Variants in CADM2 observed in about 807,000 individuals in gnomAD.
CADM2 encodes immunoglobulin superfamily member 4D.
A neutral mutation model predicts 49.8 loss-of-function variants in CADM2; 12 were observed. That is an observed-to-expected ratio of 0.24 (90% confidence interval 0.15 to 0.39). CADM2 has a LOEUF of 0.39. Ranked by LOEUF, CADM2 falls within the 10% of genes least tolerant of loss-of-function variation. The pLI is 1.00. For missense variants in CADM2, 378 were observed against 492.3 expected (o/e 0.77, Z 2.20); for synonymous variants, 214 against 175.4 (o/e 1.22, Z -1.74).
chr3:85,105,760 A>T (rs973304982), intron 1 of CADM2, among the ~76,000 whole-genome samples: 8 of 152,208 alleles, frequency 5.3e-5, no homozygotes, highest in African/African-American at 1.9e-4. Flanking sequence ...GATACTATGC[A>T]GCCATAAAAA....
At chr3:86,028,117 G>A (rs1347014045) in intron 8 of CADM2, 2 of 150,568 alleles carry the variant, frequency 1.3e-5, no homozygotes, top group East Asian at 3.9e-4. Flanking sequence ...TGAGTTAATG[G>A]GTGCAGCACA....
intron 8 of CADM2, among the ~76,000 whole-genome samples, chr3:85,987,128 T>C (rs573984187): frequency 2.3e-4 from 35 of 152,174 alleles, no homozygotes; most frequent in African/African-American, 4.3e-4. Context: ...AATCTTTAAG[T>C]ATTTACTGAC....
chr3:85,178,114 T>C (rs1366758636), intron 1 of CADM2, among the ~76,000 whole-genome samples: 1 of 151,886 alleles, frequency 6.6e-6, no homozygotes, highest in African/African-American at 2.4e-5. Context: ...CAACAACAAA[T>C]GTATATAATG....
intron 8 of CADM2, chr3:86,012,795 T>A: frequency 1.7e-6 from 1 of 572,098 alleles, no homozygotes; most frequent in Non-Finnish European, 3.1e-6. Flanking sequence ...GCTAACACGG[T>A]GAAACCCCGT....
intron 1 of CADM2, among the ~76,000 whole-genome samples, chr3:85,389,765 A>G (rs2034430382): frequency 6.6e-6 from 1 of 152,248 alleles, no homozygotes; most frequent in African/African-American, 2.4e-5. Context: ...GTGCAATCAA[A>G]TGGAAAAACA....
chr3:85,388,181 A>G (rs1007135372), intron 1 of CADM2, among the ~76,000 whole-genome samples: 3 of 152,152 alleles, frequency 2.0e-5, no homozygotes, highest in Non-Finnish European at 2.9e-5. Context: ...GGAGCATAGC[A>G]CCATGCCTGG....
intron 3 of CADM2, among the ~76,000 whole-genome samples, chr3:85,860,424 G>A (rs2075482797): frequency 6.6e-6 from 1 of 152,094 alleles, no homozygotes; most frequent in Non-Finnish European, 1.5e-5. Flanking sequence ...AGAGGAATAA[G>A]GTAATTTGAT....
intron 1 of CADM2, among the ~76,000 whole-genome samples, chr3:85,445,333 C>T (rs773299521): frequency 1.3e-5 from 2 of 151,952 alleles, no homozygotes; most frequent in Non-Finnish European, 2.9e-5. Flanking sequence ...TAGTCATGAA[C>T]GTGTATTTAA....
At chr3:85,101,409 G>T (rs79353140) in intron 1 of CADM2, among the ~76,000 whole-genome samples, 1 of 151,926 alleles carries the variant, frequency 6.6e-6, no homozygotes, top group Non-Finnish European at 1.5e-5. Context: ...ATATTATAAC[G>T]TATAAAGGCC....
chr3:85,766,900 A>T (rs543345644), intron 2 of CADM2, among the ~76,000 whole-genome samples: 3 of 152,268 alleles, frequency 2.0e-5, no homozygotes, highest in Admixed American at 2.0e-4. Context: ...TCTACTTCAC[A>T]TTAACTCTTT....
intron 8 of CADM2, among the ~76,000 whole-genome samples, chr3:86,002,098 G>C (rs1374860253): frequency 6.6e-6 from 1 of 151,994 alleles, no homozygotes; most frequent in Non-Finnish European, 1.5e-5. Context: ...TCAATCCAGG[G>C]CACTTCCTTC....
chr3:85,930,886 TTA>T (rs1365597694), intron 6 of CADM2, among the ~76,000 whole-genome samples: 2 of 149,940 alleles, frequency 1.3e-5, no homozygotes, highest in Non-Finnish European at 3.0e-5. Flanking sequence ...TTAAGATTAA[TTA>T]TATGTTAATT....
In CADM2 at chr3:84,959,514, A is replaced by C; in HGVS notation, c.-94A>C. The C allele has an allele frequency of 4.0e-6, 5 of 1,236,324 alleles. No individual in the cohort carries two copies. Among genetic ancestry groups the C allele is most frequent in the Non-Finnish European group, 5.7e-6 (5 of 883,446 alleles). 76.6% of individuals were successfully genotyped at this position (1,236,324 alleles called of 1,614,324 possible). On this transcript the variant is annotated 5_prime_UTR_variant, in exon 1 of 10. Transcript: ENST00000383699. Reference sequence around the variant, plus strand: ...GACGGTGGGTCCGGCGGGCGCCGGGAGGAGGACACCAGCGGAGCCCTGCAC... The same window carrying C: ...GACGGTGGGTCCGGCGGGCGCCGGGCGGAGGACACCAGCGGAGCCCTGCAC...
At chr3:84,999,663 G>A (rs998438385) in intron 1 of CADM2, among the ~76,000 whole-genome samples, 1 of 152,164 alleles carries the variant, frequency 6.6e-6, no homozygotes, top group African/African-American at 2.4e-5. Context: ...CCTCAGCTGA[G>A]AATGTGCATA....
At position 85,408,009 on chromosome 3, in the gene CADM2, C is replaced by T. The variant is rs369821500; in HGVS notation, c.62-318513C>T. Among the ~76,000 whole-genome samples, 12 of 5,358 alleles carry T rather than the reference C, an allele frequency of 2.2e-3. No homozygotes were observed. The Admixed American group carries it at 0.062, about 28-fold the overall frequency. The allele number at this position is 5,358 out of a possible 152,430, so 3.5% of individuals were successfully genotyped here. A position where few individuals can be genotyped will look rare whatever the true frequency, so the allele number is the denominator to read the frequency against. On this transcript the variant is annotated intron_variant, in intron 1 of 9. Coordinates refer to ENST00000383699, the MANE Select transcript of CADM2 (RefSeq NM_001167675.2). ...CCTCTTTAAACAAAACAAAACAAAACCAAAAAAAAAAAAAAAAAAAAGAAG... is the reference window on the plus strand; with the variant it reads ...CCTCTTTAAACAAAACAAAACAAAATCAAAAAAAAAAAAAAAAAAAAGAAG...
chr3:85,820,299 C>T (rs985378539), intron 3 of CADM2, among the ~76,000 whole-genome samples: 7 of 152,122 alleles, frequency 4.6e-5, no homozygotes, highest in African/African-American at 1.4e-4. Flanking sequence ...GTTAGATGAT[C>T]CTATAAACAT....
intron 1 of CADM2, among the ~76,000 whole-genome samples, chr3:85,508,734 C>T (rs1274709179): frequency 6.6e-6 from 1 of 151,934 alleles, no homozygotes; most frequent in African/African-American, 2.4e-5. Flanking sequence ...TAGTTTAGGA[C>T]TTTAGAGATT....
intron 1 of CADM2, among the ~76,000 whole-genome samples, chr3:85,380,674 C>T (rs1477142615): frequency 2.6e-5 from 4 of 151,798 alleles, no homozygotes; most frequent in Non-Finnish European, 5.9e-5. Flanking sequence ...TAAACCGTAA[C>T]ATGTTCATAT....
chr3:85,759,923 C>G (rs1559637848), intron 2 of CADM2, among the ~76,000 whole-genome samples: 1 of 152,006 alleles, frequency 6.6e-6, no homozygotes, highest in African/African-American at 2.4e-5. Context: ...TCTTCTATGA[C>G]AATAAAAAAC....
Sources: gnomAD v4.1 joint callset for allele counts (sites outside exome capture counted in the v4.1 genomes callset) on GRCh38, gnomAD v4.1.1 for gene constraint, MANE v1.5 for transcripts, NCBI Gene and HGNC (gene_info 2026-07-23, HGNC 2026-07-21) for gene names.